LIN9: variants seen among roughly 807,000 people sequenced by gnomAD.
The protein encoded by LIN9 is protein lin-9 homolog.
A neutral mutation model predicts 78.0 loss-of-function variants in LIN9; 18 were observed. That is an observed-to-expected ratio of 0.23 (90% CI 0.16 to 0.34). The LOEUF (loss-of-function observed/expected upper bound fraction) is 0.34. Among genes scored for constraint, LIN9 ranks in the 10% least tolerant of loss-of-function variants. The pLI is 1.00. For synonymous variants in LIN9, 192 were observed against 215.2 expected, an observed-to-expected ratio of 0.89 and a Z score of 0.94; for missense variants, 451 against 644.1, an observed-to-expected ratio of 0.70 and a Z score of 3.25.
intron 7 of LIN9, 123 bp from the exon 8 acceptor site, chr1:226,268,213 A>T (rs1660053192): frequency 1.2e-6 from 1 of 825,448 alleles, no homozygotes; most frequent in Non-Finnish European, 1.7e-6. Context: ...TTTCAAAACA[A>T]GCACACACTT....
At chr1:226,273,179 T>C (rs951102465) in intron 7 of LIN9, among the ~76,000 whole-genome samples, 6 of 152,072 alleles carry the variant, frequency 3.9e-5, no homozygotes, top group Admixed American at 2.0e-4. Context: ...CACCTTGCTA[T>C]TTTCTATTTA....
At chr1:226,235,341 AAAG>A (rs979750248) in intron 12 of LIN9, among the ~76,000 whole-genome samples, 3 of 150,870 alleles carry the variant, frequency 2.0e-5, no homozygotes, top group African/African-American at 7.3e-5. Flanking sequence ...AAAAAAAAAA[AAAG>A]AGTTTCAGGA....
upstream of LIN9, chr1:226,309,436 C>G: frequency 1.9e-6 from 2 of 1,032,220 alleles, no homozygotes; most frequent in African/African-American, 1.7e-5. Context: ...GCGGGGGGAG[C>G]AGTACCAGCT....
At chr1:226,285,175 G>C (rs1350018616) in intron 6 of LIN9, among the ~76,000 whole-genome samples, 1 of 152,080 alleles carries the variant, frequency 6.6e-6, no homozygotes, top group Non-Finnish European at 1.5e-5. Context: ...ACAGTAAATA[G>C]TGACCAATAT....
intron 11 of LIN9, 21 bp from the exon 12 acceptor site, chr1:226,239,117 G>A: frequency 1.2e-6 from 2 of 1,609,034 alleles, no homozygotes; most frequent in South Asian, 2.2e-5. Flanking sequence ...AAAAAAATCA[G>A]ATCTTGGTAA....
At chr1:226,307,403 C>T (rs944791390) in intron 1 of LIN9, among the ~76,000 whole-genome samples, 1 of 152,166 alleles carries the variant, frequency 6.6e-6, no homozygotes, top group African/African-American at 2.4e-5. Flanking sequence ...GAGGCCGAGG[C>T]GGGTGGATCA....
chr1:226,250,117 C>G (rs1658737246), intron 11 of LIN9, among the ~76,000 whole-genome samples: 1 of 151,440 alleles, frequency 6.6e-6, no homozygotes, highest in Non-Finnish European at 1.5e-5. Flanking sequence ...TTGCAGTGAG[C>G]CGAGATTGCA....
At chr1:226,298,530 T>C (rs1291693104) in intron 2 of LIN9, among the ~76,000 whole-genome samples, 5 of 152,234 alleles carry the variant, frequency 3.3e-5, no homozygotes, top group Non-Finnish European at 7.3e-5. Flanking sequence ...CATTTCTAAA[T>C]GTTTTCTGCT....
intron 2 of LIN9, among the ~76,000 whole-genome samples, chr1:226,299,604 A>G (rs1035871085): frequency 5.9e-5 from 9 of 152,128 alleles, no homozygotes; most frequent in African/African-American, 1.4e-4. Context: ...AGACAAACAA[A>G]CTGGGGTGTT....
rs995932080 is a variant in LIN9 at position 226,260,633 on chromosome 1, T to G, written c.1038+4900A>C. ...TTAAGATCACGGCCAAATGAGTTTT[T>G]TTTTTTTTTTTTTTTTTTTTTTTTT... On this transcript the variant is annotated intron_variant, in intron 10 of 14. Transcript: ENST00000681046. Among the ~76,000 whole-genome samples the G allele has an allele frequency of 4.8e-4, 19 of 39,590 alleles. 2 individuals are homozygous for G. The South Asian group carries it at 7.6e-3, about 16-fold the overall frequency. The allele number at this position is 39,590 out of a possible 152,430, so 26.0% of individuals were successfully genotyped here.
intron 7 of LIN9, among the ~76,000 whole-genome samples, chr1:226,277,065 C>G (rs1660710430): frequency 6.6e-6 from 1 of 151,634 alleles, no homozygotes; most frequent in African/African-American, 2.4e-5. Context: ...AAATTTACGG[C>G]CAGGTGTGGT....
intron 10 of LIN9, among the ~76,000 whole-genome samples, chr1:226,253,901 T>C (rs1227803055): frequency 6.6e-6 from 1 of 151,364 alleles, no homozygotes; most frequent in Non-Finnish European, 1.5e-5. Context: ...GGCAACAGAG[T>C]AAGATTCTGT....
intron 4 of LIN9, among the ~76,000 whole-genome samples, chr1:226,291,008 C>T (rs1661755176): frequency 6.6e-6 from 1 of 152,142 alleles, no homozygotes; most frequent in African/African-American, 2.4e-5. Flanking sequence ...CTGCCCACCT[C>T]GGCCTCCCAA....
At chr1:226,297,592 T>C (rs1427115629) in intron 3 of LIN9, 127 bp downstream of exon 3, 6 of 504,914 alleles carry the variant, frequency 1.2e-5, no homozygotes, top group Non-Finnish European at 2.1e-5. Flanking sequence ...AAACAGTGCT[T>C]AATGACACTT....
intron 4 of LIN9, among the ~76,000 whole-genome samples, chr1:226,289,121 G>A (rs918305924): frequency 6.6e-6 from 1 of 152,068 alleles, no homozygotes; most frequent in Non-Finnish European, 1.5e-5. Context: ...TGTAGTGCCA[G>A]CTACTCAGGA....
chr1:226,309,622 T>C (rs915802540), upstream of LIN9: 2 of 1,267,404 alleles, frequency 1.6e-6, no homozygotes, highest in African/African-American at 3.1e-5. Flanking sequence ...AGTGAAATAC[T>C]CACAGTTCCC....
At chr1:226,260,627 A>AGTTTTT (rs1558171808) in intron 10 of LIN9, among the ~76,000 whole-genome samples, 9 of 70,802 alleles carry the variant, frequency 1.3e-4, no homozygotes, top group Non-Finnish European at 1.9e-4. Flanking sequence ...CGGCCAAATG[A>AGTTTTT]GTTTTTTTTT....
At position 226,295,896 on chromosome 1, in the gene LIN9, C is replaced by T. The variant is rs1299619848; in HGVS notation, c.210G>A (p.Arg70=). The change falls in exon 4 of 15, where the codon AGG becomes AGA. Residue 70 remains arginine (R), a synonymous_variant. Coordinates refer to ENST00000681046, the MANE Select transcript of LIN9 (RefSeq NM_001366245.2). ...RSRLFSDEDD[R]QINTRSPKRN... ...TTTTAGGTGACCTTGTATTTATTTG[C>T]CTATCATCTTCATCAGAAAAAAGTC... 3.7e-6 allele frequency: 6 copies of T among 1,613,256 alleles called. No individual in the cohort carries two copies. The South Asian group carries it at 4.4e-5, about 12-fold the overall frequency.
Position 226,232,016 on chromosome 1 carries a change from C to A in LIN9, c.*485G>T, listed in dbSNP as rs1657369752. On this transcript the variant is annotated 3_prime_UTR_variant, in exon 15 of 15. Transcript: ENST00000681046. ...TTCCTTAAAACTAGGACTTCCCACACCTCATGATGTTATCTTTTGAAGACT... is the reference window on the plus strand; with the variant it reads ...TTCCTTAAAACTAGGACTTCCCACAACTCATGATGTTATCTTTTGAAGACT... The A allele has an allele frequency of 2.5e-6, 1 of 397,916 alleles. No homozygotes were observed. The highest frequency in any genetic ancestry group is 4.4e-6 in the Non-Finnish European group (1 of 225,648). The allele number at this position is 397,916 out of a possible 1,614,324, so 24.6% of individuals were successfully genotyped here. A position where few individuals can be genotyped will look rare whatever the true frequency, so the allele number is the denominator to read the frequency against.
Sources: allele counts gnomAD v4.1 joint callset (sites outside exome capture counted in the v4.1 genomes callset), GRCh38; gene constraint gnomAD v4.1.1; transcripts MANE v1.5; gene names NCBI Gene and HGNC (gene_info 2026-07-23, HGNC 2026-07-21).